Variants in RANBP3 observed in about 807,000 individuals in gnomAD.
RANBP3 encodes ran-binding protein 3.
In RANBP3, 14 loss-of-function variants were observed where a neutral mutation model predicts 77.3. The observed-to-expected ratio is 0.18, with a 90% confidence interval of 0.12 to 0.28. The LOEUF (loss-of-function observed/expected upper bound fraction) is 0.28, where lower values mean the gene tolerates loss of function less well. Among genes scored for constraint, RANBP3 ranks in the 10% least tolerant of loss-of-function variants. The probability of loss-of-function intolerance (pLI) is 1.00; values close to 1 mark genes in which losing one functional copy is unlikely to be tolerated. For synonymous variants in RANBP3, 315 were observed against 312.4 expected (o/e 1.01, Z -0.09); for missense variants, 586 against 752.3 (o/e 0.78, Z 2.59).
intron 14 of RANBP3, among the ~76,000 whole-genome samples, chr19:5,920,422 C>T (rs2057802965): frequency 6.6e-6 from 1 of 152,142 alleles, no homozygotes; most frequent in Non-Finnish European, 1.5e-5. Context: ...TTCAAATGTG[C>T]ACACACACAG....
rs1042616890 is a variant in RANBP3 at position 5,959,416 on chromosome 19, A to G, written c.23-1443T>C. 6.6e-6 allele frequency among the ~76,000 whole-genome samples: 1 copy of G among 152,068 alleles called. No individual in the cohort carries two copies. Among genetic ancestry groups the G allele is most frequent in the Non-Finnish European group, 1.5e-5 (1 of 67,996 alleles). ...GGTCTTGACCTTGGGGCATCAGTCCACAGCCAGGCAGCCCACTGATGGTGA... is the reference window on the plus strand; with the variant it reads ...GGTCTTGACCTTGGGGCATCAGTCCGCAGCCAGGCAGCCCACTGATGGTGA... On this transcript the variant is annotated intron_variant, in intron 1 of 16. Coordinates refer to ENST00000340578, the MANE Select transcript of RANBP3 (RefSeq NM_007322.3). The surrounding 1 kb of genome is among the most constrained non-coding windows in gnomAD (Gnocchi z 5.1).
chr19:5,964,687 A>G (rs1012718566), intron 1 of RANBP3, among the ~76,000 whole-genome samples: 1 of 152,084 alleles, frequency 6.6e-6, no homozygotes, highest in Non-Finnish European at 1.5e-5. Context: ...ATTTGGCCAC[A>G]TGACCGGGAA....
intron 8 of RANBP3, among the ~76,000 whole-genome samples, chr19:5,929,789 G>GGC (rs2057963990): frequency 6.6e-6 from 1 of 152,236 alleles, no homozygotes; most frequent in Non-Finnish European, 1.5e-5. Flanking sequence ...CACACAGCGA[G>GGC]CCTGGCGAAT....
intron 3 of RANBP3, among the ~76,000 whole-genome samples, chr19:5,948,356 G>A (rs1183653866): frequency 2.0e-5 from 3 of 152,186 alleles, no homozygotes; most frequent in Non-Finnish European, 4.4e-5. Context: ...GGAGGCTGAG[G>A]CAGGAGAACG....
In RANBP3 at chr19:5,959,166, A is replaced by G. The variant is rs2058370330; in HGVS notation, c.23-1193T>C. Among the ~76,000 whole-genome samples, 1 of 152,010 alleles carries G rather than the reference A, an allele frequency of 6.6e-6. No homozygotes were observed. ...GCTTGAAGTCACAGCTTGCGGGGTG[A>G]TGGGGCCAGGGGCAGGCGGTGGGCA... On this transcript the variant is annotated intron_variant, in intron 1 of 16. Coordinates refer to ENST00000340578, the MANE Select transcript of RANBP3 (RefSeq NM_007322.3). The surrounding 1 kb of genome is among the most constrained non-coding windows in gnomAD (Gnocchi z 5.1).
chr19:5,933,184 T>C, intron 6 of RANBP3: 2 of 489,830 alleles, frequency 4.1e-6, no homozygotes, highest in Middle Eastern at 5.2e-4. Flanking sequence ...CCTAGCCTGC[T>C]CCCGTGCCAC....
intron 3 of RANBP3, 132 bp downstream of exon 3, chr19:5,951,261 T>C: frequency 2.3e-6 from 2 of 867,708 alleles, no homozygotes; most frequent in Non-Finnish European, 3.7e-6. Flanking sequence ...AAGAAATCCT[T>C]GTCATCTTTT....
intron 3 of RANBP3, 49 bp downstream of exon 3, chr19:5,951,344 G>A (rs1049045932): frequency 2.7e-6 from 4 of 1,500,838 alleles, no homozygotes; most frequent in African/African-American, 1.4e-5. Flanking sequence ...GGCTGGTCTG[G>A]GTTGGGCTCC....
At chr19:5,945,829 T>A (rs1034714245) in intron 3 of RANBP3, among the ~76,000 whole-genome samples, 2 of 151,592 alleles carry the variant, frequency 1.3e-5, no homozygotes, top group African/African-American at 4.9e-5. Flanking sequence ...TCTCTTGGGG[T>A]CTACTCGTGG....
intron 3 of RANBP3, among the ~76,000 whole-genome samples, chr19:5,942,389 T>C (rs1325464708): frequency 6.6e-6 from 1 of 152,162 alleles, no homozygotes; most frequent in East Asian, 1.9e-4. Context: ...AACAGAACCA[T>C]CAAAGACAAA....
intron 1 of RANBP3, among the ~76,000 whole-genome samples, chr19:5,971,075 T>C (rs7248008): frequency 0.71 from 107,844 of 152,042 alleles, 38,549 homozygotes; most frequent in Admixed American, 0.79. Context: ...CTCGGGACCC[T>C]TTTCCACGCT....
chr19:5,945,995 A>C (rs1010997675), intron 3 of RANBP3, among the ~76,000 whole-genome samples: 13 of 150,204 alleles, frequency 8.7e-5, no homozygotes, highest in Non-Finnish European at 1.8e-4. Flanking sequence ...CCTCAGGCAC[A>C]GGGTCCCCTC....
intron 1 of RANBP3, among the ~76,000 whole-genome samples, chr19:5,973,040 C>G (rs1370897117): frequency 6.6e-6 from 1 of 152,170 alleles, no homozygotes; most frequent in Non-Finnish European, 1.5e-5. Flanking sequence ...GATTTTGCAG[C>G]CTGGATACCC....
intron 3 of RANBP3, among the ~76,000 whole-genome samples, chr19:5,947,437 T>A (rs1358744762): frequency 6.6e-6 from 1 of 152,032 alleles, no homozygotes; most frequent in Non-Finnish European, 1.5e-5. Context: ...AAGAGCCCCA[T>A]TTCCTCCTCC....
intron 3 of RANBP3, among the ~76,000 whole-genome samples, chr19:5,943,125 C>A (rs1317914046): frequency 1.3e-5 from 2 of 152,232 alleles, no homozygotes; most frequent in East Asian, 3.9e-4. Flanking sequence ...CCAAAGCGCA[C>A]CGATGAGTGA....
At chr19:5,961,289 A>G (rs751035571) in intron 1 of RANBP3, among the ~76,000 whole-genome samples, 4 of 151,244 alleles carry the variant, frequency 2.6e-5, no homozygotes, top group Admixed American at 6.6e-5. Context: ...TAAAAATACA[A>G]AAAATTAGCC....
chr19:5,918,990 G>T (rs947760742), intron 14 of RANBP3, among the ~76,000 whole-genome samples: 2 of 152,264 alleles, frequency 1.3e-5, no homozygotes, highest in African/African-American at 4.8e-5. Context: ...GAGAAGGGGG[G>T]ATTAGAGAGG....
chr19:5,971,738 G>A (rs1193680264), intron 1 of RANBP3, among the ~76,000 whole-genome samples: 1 of 152,150 alleles, frequency 6.6e-6, no homozygotes, highest in Non-Finnish European at 1.5e-5. Context: ...AGACCATGAG[G>A]TGCTTTATGC....
intron 5 of RANBP3, among the ~76,000 whole-genome samples, chr19:5,938,647 G>T (rs893012563): frequency 6.6e-6 from 1 of 151,984 alleles, no homozygotes; most frequent in Non-Finnish European, 1.5e-5. Context: ...AGCCAAGATC[G>T]CCCCATTGCA....
Sources: gnomAD v4.1 joint callset for allele counts (sites outside exome capture counted in the v4.1 genomes callset) on GRCh38, gnomAD v4.1.1 for gene constraint, Gnocchi (gnomAD v3.1) non-coding constraint, MANE v1.5 for transcripts, NCBI Gene and HGNC (gene_info 2026-07-23, HGNC 2026-07-21) for gene names.